ANKRD26: variants seen among roughly 807,000 people sequenced by gnomAD.
The protein encoded by ANKRD26 is ankyrin repeat domain 26.
ANKRD26 carries 141 observed loss-of-function variants against 208.7 expected under a neutral mutation model. The observed-to-expected ratio is 0.68, with a 90% CI of 0.59 to 0.78. The LOEUF is 0.78. Among genes scored for constraint, ANKRD26 ranks in the 30% least tolerant of loss-of-function variants. The pLI is 0.00. For missense variants in ANKRD26, 1,889 were observed against 1,938.7 expected (o/e 0.97, Z 0.48); for synonymous variants, 636 against 660.4 (o/e 0.96, Z 0.57).
chr10:27,080,021 G>A, intron 6 of ANKRD26: 2 of 393,282 alleles, frequency 5.1e-6, no homozygotes, highest in South Asian at 1.8e-5. Flanking sequence ...GCTGGGTGTG[G>A]TGGTGTGTAC....
intron 12 of ANKRD26, chr10:27,061,813 C>A (rs2055067579): frequency 2.0e-6 from 1 of 493,696 alleles, no homozygotes; most frequent in Admixed American, 6.4e-5. Flanking sequence ...AACCCACCCA[C>A]CTTGGCCTCC....
In ANKRD26 at chr10:27,035,410, C is replaced by T. The variant is rs780307969; in HGVS notation, c.3040G>A (p.Ala1014Thr). 2.5e-6 allele frequency: 4 copies of T among 1,613,950 alleles called. No homozygotes were observed. Among genetic ancestry groups the T allele is most frequent in the Admixed American group, 3.3e-5 (2 of 60,010 alleles). The change falls in exon 24 of 34, where the codon GCT becomes ACT. Residue 1014 changes from alanine (A) to threonine (T), a missense_variant. Around this residue, in one of 3 missense-constraint regions of ANKRD26, gnomAD observed 1,272 missense variants for 1,273.8 expected, o/e 1.00. Transcript: ENST00000376087. ...TGATCACGATCATGTATAGCAGCAG[C>T]CAATCTAGAATGGTATGATTCAACT... ...AEVESYHSRL[A>T]AAIHDRDQSE...
intron 25 of ANKRD26, 143 bp downstream of exon 25, chr10:27,033,082 C>T: frequency 2.9e-6 from 1 of 342,472 alleles, no homozygotes; most frequent in Non-Finnish European, 4.2e-6. Flanking sequence ...GACTCCATCT[C>T]AAAAAAAAAA....
At chr10:26,959,827 G>A in the ANKRD26 span, among the ~76,000 whole-genome samples, 1 of 152,010 alleles carries the variant, frequency 6.6e-6, no homozygotes, top group Admixed American at 6.6e-5. Context: ...GTGGACAAAG[G>A]AAGCTGCAGT....
At chr10:27,068,679 G>A (rs1044466367) in intron 9 of ANKRD26, among the ~76,000 whole-genome samples, 1 of 152,026 alleles carries the variant, frequency 6.6e-6, no homozygotes, top group Non-Finnish European at 1.5e-5. Flanking sequence ...TCATGTACTG[G>A]GGATCCAGTC....
At position 27,093,702 on chromosome 10, in the gene ANKRD26, T is replaced by C. The variant is rs762754151; in HGVS notation, c.340A>G (p.Arg114Gly). Residue 114 changes from arginine to glycine, a missense_variant, in exon 2 of 34, where the codon AGG (arginine) becomes GGG (glycine). Arg to Gly is a moderately radical substitution (Grantham distance 125). This residue lies in a region of ANKRD26 where 1,272 missense variants were observed against 1,273.8 expected (regional missense o/e 1.00). Coordinates refer to ENST00000376087, the MANE Select transcript of ANKRD26 (RefSeq NM_014915.3). ...CQLNVCDNEN[R>G]TALMKAVQCQ... ...CTATATACCTTCATCAGAGCTGTCC[T>C]GTTTTCGTTGTCACAGACATTGAGC... 41 of 1,614,050 alleles carry C rather than the reference T, an allele frequency of 2.5e-5. 1 individual carries two copies. Among genetic ancestry groups the C allele is most frequent in the Non-Finnish European group, 3.3e-5 (39 of 1,179,966 alleles).
downstream of ANKRD26, among the ~76,000 whole-genome samples, chr10:26,972,706 T>A (rs1466821242): frequency 6.7e-6 from 1 of 149,892 alleles, no homozygotes; most frequent in Non-Finnish European, 1.5e-5. Context: ...TTCTCCTCCC[T>A]CAGCCTCCCG....
intron 5 of ANKRD26, 63 bp downstream of exon 5, chr10:27,086,476 C>A: frequency 6.3e-7 from 1 of 1,583,124 alleles, no homozygotes; most frequent in Non-Finnish European, 8.6e-7. Context: ...TCAACACTTC[C>A]TTACTTTTAC....
chr10:27,092,491 G>A lies in ANKRD26; in HGVS notation c.553C>T (p.Leu185Phe). The A allele has an allele frequency of 6.2e-7, 1 of 1,613,376 alleles. No homozygotes were observed. The highest frequency in any genetic ancestry group is 8.5e-7 in the Non-Finnish European group (1 of 1,179,824). Residue 185 changes from leucine to phenylalanine, a missense_variant, in exon 4 of 34, where the codon CTT (leucine) becomes TTT (phenylalanine). Around this residue, in one of 3 missense-constraint regions of ANKRD26, gnomAD observed 1,272 missense variants for 1,273.8 expected, o/e 1.00. Coordinates refer to ENST00000376087, the MANE Select transcript of ANKRD26 (RefSeq NM_014915.3). ...KNKDDLTPLLLAVSGKKQQMV... is the reference protein window; with the variant it reads ...KNKDDLTPLLFAVSGKKQQMV... ...TGCTGCTTTTTTCCACTTACTGCAA[G>A]TAAAAGTGGTGTGAGGTCATCCTGT...
At chr10:27,026,166 T>C (rs747450904) in intron 27 of ANKRD26, among the ~76,000 whole-genome samples, 19 of 152,238 alleles carry the variant, frequency 1.2e-4, no homozygotes, top group Non-Finnish European at 2.4e-4. Flanking sequence ...TAGGGGCTAT[T>C]GATGAGTTGG....
chr10:26,993,978 A>G (rs2052534648), intron 5 of ANKRD26, among the ~76,000 whole-genome samples: 1 of 152,248 alleles, frequency 6.6e-6, no homozygotes, highest in African/African-American at 2.4e-5. Context: ...CATTTTAACT[A>G]CTAAAAGGAT....
chr10:26,962,238 TG>T, the ANKRD26 span, among the ~76,000 whole-genome samples: 1 of 152,138 alleles, frequency 6.6e-6, no homozygotes, highest in Non-Finnish European at 1.5e-5. Flanking sequence ...GAGATCAGTC[TG>T]GGCAACATAG....
chr10:27,072,595 C>T (rs529692311), intron 9 of ANKRD26, among the ~76,000 whole-genome samples: 2 of 152,308 alleles, frequency 1.3e-5, no homozygotes, highest in East Asian at 3.9e-4. Flanking sequence ...TAACCTAAGG[C>T]AATCAAATCC....
In ANKRD26 at chr10:27,005,669, T is replaced by A. The variant is rs745839958; in HGVS notation, c.5054A>T (p.Glu1685Val). The A allele has an allele frequency of 1.2e-6, 2 of 1,613,086 alleles. No homozygotes were observed. Among genetic ancestry groups the A allele is most frequent in the East Asian group, 4.5e-5 (2 of 44,762 alleles). ...AACTAGATCTTGATTTAGATTTGACTCATCAGTAGACCCTAGAGGGGAAGC... is the reference window on the plus strand; with the variant it reads ...AACTAGATCTTGATTTAGATTTGACACATCAGTAGACCCTAGAGGGGAAGC... ...SIASPLGSTD[E>V]SNLNQDLVWK... The change falls in exon 34 of 34, where the codon GAG (glutamate) becomes GTG (valine). Residue 1685 changes from glutamate to valine, a missense_variant. Physicochemically the swap from Glu to Val is moderately radical, Grantham distance 121 (BLOSUM62 -2). Around this residue, in one of 3 missense-constraint regions of ANKRD26, gnomAD observed 613 missense variants for 648.2 expected, o/e 0.95. Coordinates refer to ENST00000376087, the MANE Select transcript of ANKRD26 (RefSeq NM_014915.3).
chr10:27,030,391 A>G (rs1173292438), intron 25 of ANKRD26: 2 of 985,328 alleles, frequency 2.0e-6, no homozygotes, highest in East Asian at 2.3e-4. Context: ...TACATAACTT[A>G]CATGGCCATC....
exon 6 of ANKRD26, among the ~76,000 whole-genome samples, chr10:26,974,917 TCTCA>T (rs138757700): frequency 0.076 from 11,558 of 152,154 alleles, 1,391 homozygotes; most frequent in African/African-American, 0.26. Flanking sequence ...GTCTTTTCTC[TCTCA>T]CTATTATTAG....
intron 4 of ANKRD26, among the ~76,000 whole-genome samples, chr10:26,995,736 T>C (rs536292369): frequency 4.6e-5 from 7 of 152,314 alleles, no homozygotes; most frequent in Admixed American, 1.3e-4. Flanking sequence ...GTGAACACAG[T>C]TGACATTCAT....
In ANKRD26 at chr10:27,060,216, T is replaced by A. The variant is rs557258208; in HGVS notation, c.1564+129A>T. ...AGACTCGGTCTCAATTAAAAAAAAA[T>A]TTTTTTAAATCCTTCCAACAAATTT... On this transcript the variant is annotated intron_variant, in intron 15 of 33. Transcript: ENST00000376087. The A allele has an allele frequency of 2.8e-4, 254 of 910,602 alleles. 2 individuals carry two copies. The highest frequency in any genetic ancestry group is 2.5e-3 in the South Asian group (163 of 64,604). The allele number at this position is 910,602 out of a possible 1,614,324, so 56.4% of individuals were successfully genotyped here.
At chr10:27,054,379 G>T (rs922811510) in intron 15 of ANKRD26, among the ~76,000 whole-genome samples, 1 of 152,106 alleles carries the variant, frequency 6.6e-6, no homozygotes, top group African/African-American at 2.4e-5. Context: ...GAGGCCAGGA[G>T]TTCCAGACCA....
Sources: gnomAD v4.1 joint callset for allele counts (sites outside exome capture counted in the v4.1 genomes callset) on GRCh38, gnomAD v4.1.1 for gene constraint, gnomAD v4.1.1 regional missense constraint, MANE v1.5 for transcripts, NCBI Gene and HGNC (gene_info 2026-07-23, HGNC 2026-07-21) for gene names.